ALK: variants seen among roughly 807,000 people sequenced by gnomAD.
ALK encodes ALK tyrosine kinase receptor.
Under a neutral mutation model 163.1 loss-of-function variants are expected in ALK, and 74 were observed. The ratio of observed to expected loss-of-function variants is 0.45; its 90% confidence interval spans 0.38 to 0.55. The LOEUF (loss-of-function observed/expected upper bound fraction) is 0.55. Ranked by LOEUF, ALK falls within the 20% of genes least tolerant of loss-of-function variation. ALK has a pLI of 0.00. For synonymous variants in ALK, 960 were observed against 843.2 expected, an observed-to-expected ratio of 1.14 and a Z score of -2.40; for missense variants, 2,063 against 2,105.3, an observed-to-expected ratio of 0.98 and a Z score of 0.39.
At chr2:29,796,196 C>A (rs781005344) in intron 1 of ALK, among the ~76,000 whole-genome samples, 1 of 152,122 alleles carries the variant, frequency 6.6e-6, no homozygotes, top group African/African-American at 2.4e-5. Context: ...CTGGAACCAT[C>A]GGTAGATCTG....
At chr2:29,494,291 C>T (rs1671972540) in intron 4 of ALK, among the ~76,000 whole-genome samples, 2 of 152,192 alleles carry the variant, frequency 1.3e-5, no homozygotes, top group African/African-American at 4.8e-5. Context: ...AGACCTGGTA[C>T]TGGTCTGCTC....
chr2:29,816,211 T>C (rs1205363710), intron 1 of ALK, among the ~76,000 whole-genome samples: 3 of 152,306 alleles, frequency 2.0e-5, no homozygotes, highest in Middle Eastern at 6.8e-3. Context: ...AATAGATTCA[T>C]TCATTCAGGC....
At chr2:29,664,296 T>C (rs981068921) in intron 3 of ALK, among the ~76,000 whole-genome samples, 4 of 152,194 alleles carry the variant, frequency 2.6e-5, no homozygotes, top group African/African-American at 7.2e-5. Context: ...AAATTTGTTG[T>C]TTCTGAGCTC....
chr2:29,663,269 T>C (rs1677406798), intron 3 of ALK, among the ~76,000 whole-genome samples: 1 of 152,216 alleles, frequency 6.6e-6, no homozygotes, highest in Non-Finnish European at 1.5e-5. Flanking sequence ...GAAAAAAGTT[T>C]AAGTAAAAAT....
intron 3 of ALK, among the ~76,000 whole-genome samples, chr2:29,598,752 G>T (rs1207688694): frequency 6.6e-6 from 1 of 152,196 alleles, no homozygotes; most frequent in Non-Finnish European, 1.5e-5. Flanking sequence ...GCCTTGAGAT[G>T]ATGGGAGCAT....
chr2:29,602,169 A>G (rs1473394742), intron 3 of ALK, among the ~76,000 whole-genome samples: 2 of 152,120 alleles, frequency 1.3e-5, no homozygotes, highest in African/African-American at 2.4e-5. Context: ...GATGGGATTT[A>G]TCATTTTCCT....
intron 11 of ALK, among the ~76,000 whole-genome samples, chr2:29,256,391 G>A (rs974147293): frequency 5.3e-5 from 8 of 152,112 alleles, no homozygotes; most frequent in African/African-American, 1.7e-4. Flanking sequence ...AGGAAATGCC[G>A]TTATGCTTGC....
intron 3 of ALK, among the ~76,000 whole-genome samples, chr2:29,583,805 A>G (rs1314517206): frequency 1.3e-5 from 2 of 152,230 alleles, no homozygotes; most frequent in African/African-American, 2.4e-5. Context: ...CCTCTGGGGC[A>G]ATGACCAGTC....
chr2:29,540,472 T>C (rs764253678), intron 3 of ALK, among the ~76,000 whole-genome samples: 1 of 152,116 alleles, frequency 6.6e-6, no homozygotes, highest in South Asian at 2.1e-4. Context: ...CTATGCTTTA[T>C]ATGAATAATC....
At chr2:29,708,982 C>T (rs1678993594) in intron 2 of ALK, among the ~76,000 whole-genome samples, 1 of 152,136 alleles carries the variant, frequency 6.6e-6, no homozygotes, top group South Asian at 2.1e-4. Context: ...AGGTTGCTCT[C>T]GACAAAACAT....
intron 1 of ALK, among the ~76,000 whole-genome samples, chr2:29,877,484 A>G (rs564479896): frequency 3.9e-5 from 6 of 152,338 alleles, no homozygotes; most frequent in African/African-American, 1.4e-4. Flanking sequence ...GAATATAAAC[A>G]CCATGACAGC....
chr2:29,358,626 T>G (rs1368606032), intron 5 of ALK, among the ~76,000 whole-genome samples: 1 of 152,236 alleles, frequency 6.6e-6, no homozygotes, highest in Non-Finnish European at 1.5e-5. Context: ...ATTTGATTGT[T>G]TGCCAGTTCT....
chr2:29,586,885 C>A (rs1452534998), intron 3 of ALK, among the ~76,000 whole-genome samples: 1 of 152,180 alleles, frequency 6.6e-6, no homozygotes, highest in East Asian at 1.9e-4. Flanking sequence ...TCAGTTCCCA[C>A]AATTAAGGGT....
At chr2:29,260,073 C>T (rs1214953501) in intron 11 of ALK, among the ~76,000 whole-genome samples, 1 of 152,024 alleles carries the variant, frequency 6.6e-6, no homozygotes, top group East Asian at 1.9e-4. Context: ...TAAAAAATTT[C>T]CTCTTTTTAA....
chr2:29,303,452 G>C (rs368126822), intron 8 of ALK, among the ~76,000 whole-genome samples: 1 of 152,202 alleles, frequency 6.6e-6, no homozygotes, highest in Admixed American at 6.5e-5. Context: ...AATTAGTTCA[G>C]TTGCTGTGGA....
At chr2:29,557,929 G>A (rs1294508285) in intron 3 of ALK, among the ~76,000 whole-genome samples, 2 of 152,128 alleles carry the variant, frequency 1.3e-5, no homozygotes, top group Non-Finnish European at 2.9e-5. Context: ...CCCTGGCAAA[G>A]GAGTCCTCTA....
intron 1 of ALK, among the ~76,000 whole-genome samples, chr2:29,765,687 A>G (rs1438985337): frequency 1.3e-5 from 2 of 152,190 alleles, no homozygotes; most frequent in Non-Finnish European, 2.9e-5. Flanking sequence ...AAAACTTGGA[A>G]AATACAAATG....
chr2:29,444,738 TAA>T (rs752543325), intron 4 of ALK, among the ~76,000 whole-genome samples: 4 of 152,170 alleles, frequency 2.6e-5, no homozygotes, highest in African/African-American at 4.8e-5. Context: ...TTCAAGAAAT[TAA>T]AAAGTTTCCT....
chr2:29,198,209 CAT>C (rs141288070), intron 26 of ALK, among the ~76,000 whole-genome samples: 3,280 of 152,260 alleles, frequency 0.022, 108 homozygotes, highest in African/African-American at 0.069. Context: ...CAGCTGATTT[CAT>C]AGTCTCTTAC....
Sources: gnomAD v4.1 joint callset for allele counts (sites outside exome capture counted in the v4.1 genomes callset) on GRCh38, gnomAD v4.1.1 for gene constraint, MANE v1.5 for transcripts, NCBI Gene and HGNC (gene_info 2026-07-23, HGNC 2026-07-21) for gene names.